ITSN1: variants seen among roughly 807,000 people sequenced by gnomAD.
ITSN1 encodes intersectin 1, also known as intersectin-1.
A neutral mutation model predicts 239.8 loss-of-function variants in ITSN1; 58 were observed. The ratio of observed to expected loss-of-function variants is 0.24; its 90% CI spans 0.20 to 0.30. ITSN1 has a LOEUF of 0.30. Among genes scored for constraint, ITSN1 ranks in the 10% least tolerant of loss-of-function variants. ITSN1 has a pLI of 1.00. For missense variants in ITSN1, 1,558 were observed against 2,103.3 expected (o/e 0.74, Z 5.07); for synonymous variants, 780 against 770.8 (o/e 1.01, Z -0.20).
intron 25 of ITSN1, among the ~76,000 whole-genome samples, chr21:33,826,351 G>A (rs1188439464): frequency 6.6e-6 from 1 of 152,128 alleles, no homozygotes; most frequent in African/African-American, 2.4e-5. Context: ...AGCTCCTGAA[G>A]CAAATGTGCA....
chr21:33,797,441 G>C lies in ITSN1; in HGVS notation c.2015G>C (p.Arg672Thr). The C allele has an allele frequency of 6.2e-7, 1 of 1,614,040 alleles. No individual in the cohort carries two copies. The highest frequency in any genetic ancestry group is 8.5e-7 in the Non-Finnish European group (1 of 1,180,006). ...EHVQQEDEHQ[R>T]PRKLHEEEKL... Reference sequence around the variant, plus strand: ...GTGCAGCAGGAGGACGAGCATCAGAGACCAAGAAAACTCCACGAAGAGGAA... The same window carrying C: ...GTGCAGCAGGAGGACGAGCATCAGACACCAAGAAAACTCCACGAAGAGGAA... The change falls in exon 18 of 40, where the codon AGA becomes ACA. Residue 672 changes from arginine to threonine, a missense_variant. Coordinates refer to ENST00000381318, the MANE Select transcript of ITSN1 (RefSeq NM_003024.3). This position sits in a 1 kb window ranked among gnomAD's most constrained non-coding sequence, Gnocchi z 4.9.
intron 8 of ITSN1, among the ~76,000 whole-genome samples, chr21:33,759,828 A>C (rs995992976): frequency 6.6e-6 from 1 of 152,176 alleles, no homozygotes; most frequent in Non-Finnish European, 1.5e-5. Flanking sequence ...GGCCGGGCAC[A>C]GTGACTCATA....
intron 31 of ITSN1, among the ~76,000 whole-genome samples, chr21:33,862,383 T>A (rs753160988): frequency 2.0e-5 from 3 of 152,178 alleles, no homozygotes; most frequent in Non-Finnish European, 4.4e-5. Context: ...GATTCCATTT[T>A]ATCTTGTTTA....
chr21:33,883,362 C>G (rs112466247), intron 35 of ITSN1, among the ~76,000 whole-genome samples, 188 bp from the exon 36 acceptor site: 138 of 152,308 alleles, frequency 9.1e-4, no homozygotes, highest in Middle Eastern at 3.4e-3. Context: ...TTTACTGGAA[C>G]ACACCCAGAA....
chr21:33,826,438 A>C (rs1424429505), intron 25 of ITSN1, among the ~76,000 whole-genome samples: 2 of 152,152 alleles, frequency 1.3e-5, no homozygotes, highest in Non-Finnish European at 2.9e-5. Flanking sequence ...TATGTGTGAA[A>C]TATTTCATAA....
chr21:33,836,706 C>A, intron 29 of ITSN1, 74 bp downstream of exon 29: 2 of 1,235,274 alleles, frequency 1.6e-6, no homozygotes, highest in Non-Finnish European at 2.3e-6. Context: ...TGCTCTGATT[C>A]TGCTGAGCTT....
intron 1 of ITSN1, among the ~76,000 whole-genome samples, chr21:33,681,511 T>G (rs867857007): frequency 1.3e-5 from 2 of 152,068 alleles, no homozygotes. Flanking sequence ...ATCATGCCAT[T>G]GCACTCCAGC....
At chr21:33,665,039 T>G (rs1418688351) in intron 1 of ITSN1, among the ~76,000 whole-genome samples, 2 of 144,810 alleles carry the variant, frequency 1.4e-5, no homozygotes, top group Non-Finnish European at 3.1e-5. Context: ...CCGAGGTGGG[T>G]GGATCACGAG....
rs1351580611 is a variant in ITSN1, at chr21:33,888,354, G to A, written c.*54G>A. ...GTCCCAGCCCACGGCCACACATGCTGTCTGGAAATTGTATTCCTTTTCTAA... is the reference window on the plus strand; with the variant it reads ...GTCCCAGCCCACGGCCACACATGCTATCTGGAAATTGTATTCCTTTTCTAA... On this transcript the variant is annotated 3_prime_UTR_variant, in exon 40 of 40. Transcript: ENST00000381318. 3 of 1,522,548 alleles carry A rather than the reference G, an allele frequency of 2.0e-6. No homozygotes were observed. Among genetic ancestry groups the A allele is most frequent in the African/African-American group, 1.4e-5 (1 of 72,120 alleles). 94.3% of individuals were successfully genotyped at this position (1,522,548 alleles called of 1,614,324 possible). A position where few individuals can be genotyped will look rare whatever the true frequency, so the allele number is the denominator to read the frequency against.
intron 17 of ITSN1, among the ~76,000 whole-genome samples, chr21:33,796,247 A>C (rs2071553073): frequency 6.6e-6 from 1 of 152,154 alleles, no homozygotes; most frequent in Non-Finnish European, 1.5e-5. Flanking sequence ...CTGGGATTAC[A>C]GGCATGAGCC....
intron 9 of ITSN1, among the ~76,000 whole-genome samples, chr21:33,763,461 G>T (rs2068508967): frequency 6.6e-6 from 1 of 152,016 alleles, no homozygotes; most frequent in Non-Finnish European, 1.5e-5. Flanking sequence ...GTATACTGTA[G>T]GATGTTCAGT....
intron 1 of ITSN1, among the ~76,000 whole-genome samples, chr21:33,688,485 G>A (rs1328693318): frequency 6.6e-6 from 1 of 152,220 alleles, no homozygotes; most frequent in Non-Finnish European, 1.5e-5. Context: ...ATTCTAAAAT[G>A]CGTTCATTGA....
intron 31 of ITSN1, among the ~76,000 whole-genome samples, chr21:33,860,279 C>T (rs1173792553): frequency 2.7e-5 from 4 of 150,782 alleles, no homozygotes; most frequent in Non-Finnish European, 4.4e-5. Flanking sequence ...TGCACTCCAG[C>T]CTGGGCCACG....
intron 16 of ITSN1, among the ~76,000 whole-genome samples, chr21:33,792,635 T>C (rs1424465912): frequency 6.6e-6 from 1 of 152,156 alleles, no homozygotes; most frequent in African/African-American, 2.4e-5. Context: ...TGATGAAAAA[T>C]GGACTTCTTT....
chr21:33,775,353 A>T (rs559516714), intron 14 of ITSN1, among the ~76,000 whole-genome samples: 1 of 152,282 alleles, frequency 6.6e-6, no homozygotes, highest in South Asian at 2.1e-4. Flanking sequence ...TACAGCAGGG[A>T]CAGACACTCT....
At chr21:33,749,385 G>A (rs186926264) in intron 5 of ITSN1, among the ~76,000 whole-genome samples, 40 of 152,254 alleles carry the variant, frequency 2.6e-4, no homozygotes, top group African/African-American at 9.1e-4. Flanking sequence ...GCTCATGCCT[G>A]TAATCCCAGC....
intron 16 of ITSN1, among the ~76,000 whole-genome samples, chr21:33,787,497 C>A: frequency 6.6e-6 from 1 of 152,092 alleles, no homozygotes; most frequent in East Asian, 1.9e-4. Context: ...AGAACCGAAT[C>A]GATGTTGAAA....
chr21:33,668,666 C>T (rs908541351), intron 1 of ITSN1, among the ~76,000 whole-genome samples: 2 of 152,184 alleles, frequency 1.3e-5, no homozygotes, highest in African/African-American at 4.8e-5. Flanking sequence ...TCCACTTGTA[C>T]TTTGAGTTAA....
At chr21:33,723,593 G>A (rs1476943631) in intron 4 of ITSN1, among the ~76,000 whole-genome samples, 2 of 152,062 alleles carry the variant, frequency 1.3e-5, no homozygotes, top group South Asian at 2.1e-4. Flanking sequence ...CAGCCTGGGC[G>A]ACAGAGCGAG....
Sources: gnomAD v4.1 joint callset for allele counts (sites outside exome capture counted in the v4.1 genomes callset) on GRCh38, gnomAD v4.1.1 for gene constraint, Gnocchi (gnomAD v3.1) non-coding constraint, MANE v1.5 for transcripts, NCBI Gene and HGNC (gene_info 2026-07-23, HGNC 2026-07-21) for gene names.